The following CACNA1H variants were observed in gnomAD, a reference collection of about 807,000 sequenced individuals.
CACNA1H encodes calcium voltage-gated channel subunit alpha1 H, also known as voltage-dependent T-type calcium channel subunit alpha-1H.
A neutral mutation model predicts 192.5 loss-of-function variants in CACNA1H; 149 were observed. The ratio of observed to expected loss-of-function variants is 0.77; its 90% CI spans 0.68 to 0.89. The LOEUF is 0.89. CACNA1H is among the 40% of genes least tolerant of loss of function. The pLI is 0.00. For synonymous variants in CACNA1H, 2,202 were observed against 1,475.2 expected (o/e 1.49, Z -11.29); for missense variants, 4,257 against 3,423.5 (o/e 1.24, Z -6.08).
chr16:1,165,920 C>T (rs1384252970), intron 2 of CACNA1H, among the ~76,000 whole-genome samples: 1 of 152,124 alleles, frequency 6.6e-6, no homozygotes, highest in Non-Finnish European at 1.5e-5. Context: ...GGGCCCGGCC[C>T]GGCCGTGTGG....
chr16:1,153,505 C>T (rs964848328), intron 1 of CACNA1H, 35 bp downstream of exon 1: 17 of 271,798 alleles, frequency 6.3e-5, no homozygotes, highest in African/African-American at 1.9e-4. Flanking sequence ...CCGGGACCCT[C>T]TTCAACTTGC....
At chr16:1,163,771 G>A (rs1008346829) in intron 2 of CACNA1H, among the ~76,000 whole-genome samples, 6 of 152,216 alleles carry the variant, frequency 3.9e-5, no homozygotes, top group African/African-American at 7.2e-5. Context: ...ACTGGGCCAC[G>A]GGCTCTTGTG....
At chr16:1,183,248 A>T (rs1360593088) in intron 2 of CACNA1H, among the ~76,000 whole-genome samples, 1 of 152,052 alleles carries the variant, frequency 6.6e-6, no homozygotes, top group African/African-American at 2.4e-5. Flanking sequence ...GACGGGTTCT[A>T]TTGCGTCTGA....
rs756747669 is a variant in CACNA1H at position 1,204,260 on chromosome 16, A to ACCAGGC, written c.2266_2271dup (p.Pro756_Gly757dup). The ACCAGGC allele has an allele frequency of 2.4e-4, 389 of 1,609,616 alleles. 1 individual carries two copies. The highest frequency in any genetic ancestry group is 4.9e-4 in the South Asian group (44 of 90,710). Reference sequence around the variant, plus strand: ...CGCGACCACCCCGTGCGACGGACACACCAGGCCCAGGCCCAGGCAGCCCCC... The same window carrying ACCAGGC: ...CGCGACCACCCCGTGCGACGGACACACCAGGCCCAGGCCCAGGCCCAGGCAGCCCCC... On this transcript the variant is annotated inframe_insertion, in exon 10 of 35. Transcript: ENST00000348261.
At chr16:1,193,978 C>T (rs960037011) in intron 2 of CACNA1H, among the ~76,000 whole-genome samples, 14 of 152,150 alleles carry the variant, frequency 9.2e-5, no homozygotes, top group Non-Finnish European at 1.5e-4. Flanking sequence ...GCACCCAGGA[C>T]CTCCGCTGTA....
intron 22 of CACNA1H, 67 bp downstream of exon 22, chr16:1,211,361 T>G: frequency 6.2e-7 from 1 of 1,608,016 alleles, no homozygotes; most frequent in Non-Finnish European, 8.5e-7. Flanking sequence ...CCAGCGTGGC[T>G]CCCAGCAGCG....
chr16:1,209,645 A>G (rs757612248), intron 17 of CACNA1H, among the ~76,000 whole-genome samples: 3 of 152,216 alleles, frequency 2.0e-5, no homozygotes, highest in Non-Finnish European at 4.4e-5. Flanking sequence ...CGCTCCACGC[A>G]CGGCCTGCAT....
At chr16:1,161,592 T>A (rs543672109) in intron 2 of CACNA1H, among the ~76,000 whole-genome samples, 19 of 152,214 alleles carry the variant, frequency 1.2e-4, no homozygotes, top group Non-Finnish European at 2.6e-4. Flanking sequence ...CCTGCCAGCC[T>A]GGGCAGTGCC....
At position 1,165,351 on chromosome 16, in the gene CACNA1H, G is replaced by C. The variant is rs532452463; in HGVS notation, c.299+11315G>C. On this transcript the variant is annotated intron_variant, in intron 2 of 34. Transcript: ENST00000348261. ...GTTGGTGTGTTTGAAAGCTGAGCCT[G>C]CTGGTCCTCCCGGGCCACGCTCTTT... Among the ~76,000 whole-genome samples, 5 of 152,328 alleles carry C rather than the reference G, an allele frequency of 3.3e-5. No individual in the cohort carries two copies. The South Asian group carries it at 1.0e-3, about 32-fold the overall frequency.
chr16:1,192,472 C>T (rs1433672126), intron 2 of CACNA1H, among the ~76,000 whole-genome samples: 6 of 152,256 alleles, frequency 3.9e-5, no homozygotes, highest in Non-Finnish European at 7.3e-5. Context: ...GTGCTGGCCC[C>T]TTCCCTTCTG....
chr16:1,218,917 C>G (rs1158950212), intron 33 of CACNA1H, 53 bp from the exon 34 acceptor site: 21 of 1,535,512 alleles, frequency 1.4e-5, no homozygotes, highest in Non-Finnish European at 1.8e-5. Flanking sequence ...TGGGTGGCAG[C>G]TGGGCAGGAA....
rs1968665291 is a variant in CACNA1H at position 1,206,053 on chromosome 16, C to T, written c.2604-51C>T. ...ACCCTGCTTCCAGTGGGACGAGGGC[C>T]TGGGGTCAGGGATCGTGGCCCCGCT... On this transcript the variant is annotated intron_variant, in intron 11 of 34. Transcript: ENST00000348261. 5.3e-6 allele frequency: 8 copies of T among 1,502,480 alleles called. No homozygotes were observed. In the Admixed American group the frequency reaches 8.2e-5, roughly 15 times the overall value. 93.1% of individuals were successfully genotyped at this position (1,502,480 alleles called of 1,614,324 possible). A position where few individuals can be genotyped will look rare whatever the true frequency, so the allele number is the denominator to read the frequency against.
chr16:1,160,222 C>G (rs535153106), intron 2 of CACNA1H: 2 of 152,186 alleles, frequency 1.3e-5, no homozygotes, highest in African/African-American at 4.8e-5. Flanking sequence ...TGCCTGTCCT[C>G]GTCAGTGGGC....
At chr16:1,179,730 C>CTTT (rs758652517) in intron 2 of CACNA1H, among the ~76,000 whole-genome samples, 30 of 109,098 alleles carry the variant, frequency 2.7e-4, no homozygotes, top group African/African-American at 5.0e-4. Context: ...CGCCCGGCCT[C>CTTT]TTTTTTTTTT....
At chr16:1,179,891 C>T (rs1395323118) in intron 2 of CACNA1H, among the ~76,000 whole-genome samples, 3 of 152,136 alleles carry the variant, frequency 2.0e-5, no homozygotes, top group South Asian at 2.1e-4. Flanking sequence ...TGTGCCACCA[C>T]GCCCAGCTAA....
intron 2 of CACNA1H, among the ~76,000 whole-genome samples, chr16:1,170,322 A>G (rs1442186647): frequency 6.6e-6 from 1 of 152,168 alleles, no homozygotes; most frequent in Non-Finnish European, 1.5e-5. Flanking sequence ...AGGTCGCACC[A>G]TGGCTATGGG....
At chr16:1,165,428 C>G (rs1472134133) in intron 2 of CACNA1H, among the ~76,000 whole-genome samples, 2 of 152,188 alleles carry the variant, frequency 1.3e-5, no homozygotes, top group East Asian at 3.8e-4. Flanking sequence ...ATCTGGGTCA[C>G]TCAAATAAGG....
chr16:1,163,189 C>T (rs1363685781), intron 2 of CACNA1H, among the ~76,000 whole-genome samples: 2 of 152,248 alleles, frequency 1.3e-5, no homozygotes, highest in East Asian at 1.9e-4. Flanking sequence ...CCACCTCCCC[C>T]AGCTCGGCCA....
chr16:1,192,598 G>T (rs1046002686), intron 2 of CACNA1H, among the ~76,000 whole-genome samples: 2 of 152,234 alleles, frequency 1.3e-5, no homozygotes, highest in African/African-American at 4.8e-5. Flanking sequence ...GGCTAGGGTG[G>T]CAGGAACTGC....
Sources: gnomAD v4.1 joint callset for allele counts (sites outside exome capture counted in the v4.1 genomes callset) on GRCh38, gnomAD v4.1.1 for gene constraint, MANE v1.5 for transcripts, NCBI Gene and HGNC (gene_info 2026-07-23, HGNC 2026-07-21) for gene names.